Variants in ROBO2 observed in about 807,000 individuals in gnomAD.
ROBO2 encodes the protein roundabout guidance receptor 2.
Under a neutral mutation model 160.8 loss-of-function variants are expected in ROBO2, and 53 were observed. The observed-to-expected ratio is 0.33, with a 90% CI of 0.26 to 0.41. ROBO2 has a LOEUF of 0.41. Ranked by LOEUF, ROBO2 falls within the 10% of genes least tolerant of loss-of-function variation. The probability of loss-of-function intolerance (pLI) is 1.00; values close to 1 mark genes in which losing one functional copy is unlikely to be tolerated. For missense variants in ROBO2, 1,577 were observed against 1,722.4 expected (o/e 0.92, Z 1.49); for synonymous variants, 664 against 611.7 (o/e 1.09, Z -1.26).
intron 2 of ROBO2, among the ~76,000 whole-genome samples, chr3:76,611,613 A>G (rs976354378): frequency 3.3e-5 from 5 of 152,062 alleles, no homozygotes; most frequent in African/African-American, 1.2e-4. Context: ...ATCAGTTGTA[A>G]TGTTTCAGTT....
chr3:76,989,212 A>G (rs1172546819), intron 2 of ROBO2, among the ~76,000 whole-genome samples: 11 of 152,150 alleles, frequency 7.2e-5, no homozygotes, highest in African/African-American at 2.2e-4. Context: ...GGAAATATTT[A>G]TGGTGAATGT....
In ROBO2 at chr3:76,907,823, G is replaced by GGGGTGTGTGTGTGTGT. The variant is rs112697690; in HGVS notation, c.110-190190_110-190189insGGTGTGTGTGTGTGTG. On this transcript the variant is annotated intron_variant, in intron 2 of 26. Transcript: ENST00000487694. ...GCCTTTCTGCTGTTTGTTTGTTTGG[G>GGGGTGTGTGTGTGTGT]GTGTGTGTGTGTGTGTGTGTGTGTG... Among the ~76,000 whole-genome samples the GGGGTGTGTGTGTGTGT allele has an allele frequency of 2.7e-3, 395 of 145,516 alleles. 1 individual carries two copies. The highest frequency in any genetic ancestry group is 6.4e-3 in the African/African-American group (249 of 38,876).
chr3:76,424,669 A>C (rs767856865), intron 2 of ROBO2, among the ~76,000 whole-genome samples: 5 of 152,192 alleles, frequency 3.3e-5, no homozygotes. Context: ...TTACCAGAAA[A>C]GTTAAAAAAG....
At chr3:76,471,600 T>C (rs1329136690) in intron 2 of ROBO2, among the ~76,000 whole-genome samples, 1 of 152,176 alleles carries the variant, frequency 6.6e-6, no homozygotes, top group Non-Finnish European at 1.5e-5. Flanking sequence ...TCAAAAATTC[T>C]TAAAGGAAAT....
intron 23 of ROBO2, among the ~76,000 whole-genome samples, chr3:77,625,365 A>G (rs1343312411): frequency 1.3e-5 from 2 of 151,764 alleles, no homozygotes; most frequent in African/African-American, 4.8e-5. Flanking sequence ...ACGAAGTGCA[A>G]GCCATCTTTC....
intron 2 of ROBO2, among the ~76,000 whole-genome samples, chr3:77,319,731 A>C (rs1017862613): frequency 4.6e-5 from 7 of 152,212 alleles, no homozygotes; most frequent in African/African-American, 1.7e-4. Context: ...CACTCTGGCT[A>C]TGTCATAATG....
At chr3:77,045,982 T>G (rs1402456654) in intron 1 of ROBO2, among the ~76,000 whole-genome samples, 1 of 152,266 alleles carries the variant, frequency 6.6e-6, no homozygotes, top group East Asian at 1.9e-4. Context: ...ACAATATTCC[T>G]TATCATCTAT....
intron 2 of ROBO2, among the ~76,000 whole-genome samples, chr3:76,779,338 G>A (rs1173620244): frequency 6.6e-6 from 1 of 150,824 alleles, no homozygotes; most frequent in Non-Finnish European, 1.5e-5. Flanking sequence ...TATTATTACT[G>A]AAATTTATGT....
At chr3:77,135,606 G>T (rs1039164181) in intron 2 of ROBO2, among the ~76,000 whole-genome samples, 1 of 150,940 alleles carries the variant, frequency 6.6e-6, no homozygotes, top group African/African-American at 2.4e-5. Context: ...AAGGGGTTTC[G>T]CTATGTTGCC....
chr3:77,590,627 T>C (rs2094157550), intron 17 of ROBO2, among the ~76,000 whole-genome samples: 1 of 152,162 alleles, frequency 6.6e-6, no homozygotes, highest in Admixed American at 6.6e-5. Flanking sequence ...TAATAAAAAA[T>C]TGACTGTGCT....
intron 2 of ROBO2, among the ~76,000 whole-genome samples, chr3:76,094,338 C>G (rs1398462860): frequency 6.6e-6 from 1 of 152,178 alleles, no homozygotes; most frequent in Non-Finnish European, 1.5e-5. Context: ...GCAGGCAGCC[C>G]TCACTAATTT....
chr3:76,035,262 G>C (rs1298557102), intron 2 of ROBO2, among the ~76,000 whole-genome samples: 1 of 150,994 alleles, frequency 6.6e-6, no homozygotes, highest in Non-Finnish European at 1.5e-5. Context: ...AAGAAATAAG[G>C]CTTGCTGAAT....
intron 2 of ROBO2, among the ~76,000 whole-genome samples, chr3:76,236,080 G>T (rs1704926810): frequency 6.6e-6 from 1 of 151,962 alleles, no homozygotes; most frequent in Admixed American, 6.6e-5. Flanking sequence ...GATAATTCAG[G>T]TCCTCAGTTA....
intron 2 of ROBO2, among the ~76,000 whole-genome samples, chr3:77,473,440 CTTTTTTTTTTTTT>C (rs71104688): frequency 2.2e-4 from 17 of 77,930 alleles, no homozygotes; most frequent in South Asian, 5.4e-4. Flanking sequence ...ACAAACTGCT[CTTTTTTTTTTTTT>C]TTTTTTTTTT....
intron 1 of ROBO2, among the ~76,000 whole-genome samples, chr3:77,080,915 G>A (rs2068585700): frequency 6.6e-6 from 1 of 152,102 alleles, no homozygotes; most frequent in African/African-American, 2.4e-5. Context: ...TTTACATTAT[G>A]GTTTTTATAA....
At chr3:76,359,849 G>A (rs1350389648) in intron 2 of ROBO2, among the ~76,000 whole-genome samples, 2 of 151,940 alleles carry the variant, frequency 1.3e-5, no homozygotes, top group Non-Finnish European at 2.9e-5. Flanking sequence ...CAGGAAGCCA[G>A]TATATTATAG....
At chr3:76,100,020 A>G (rs1401136087) in intron 2 of ROBO2, among the ~76,000 whole-genome samples, 5 of 152,218 alleles carry the variant, frequency 3.3e-5, no homozygotes, top group Non-Finnish European at 1.5e-5. Flanking sequence ...ATCTGCAAAC[A>G]GCATTGGGCT....
intron 2 of ROBO2, among the ~76,000 whole-genome samples, chr3:76,689,001 G>A (rs374179126): frequency 6.6e-6 from 1 of 151,924 alleles, no homozygotes; most frequent in East Asian, 1.9e-4. Flanking sequence ...ATATTGCAAT[G>A]ATGTATTTCT....
At chr3:76,275,715 G>A (rs1391198459) in intron 2 of ROBO2, among the ~76,000 whole-genome samples, 1 of 151,946 alleles carries the variant, frequency 6.6e-6, no homozygotes, top group Non-Finnish European at 1.5e-5. Context: ...CTACTTTCTG[G>A]GCATTCTGCA....
Sources: allele counts gnomAD v4.1 joint callset (sites outside exome capture counted in the v4.1 genomes callset), GRCh38; gene constraint gnomAD v4.1.1; transcripts MANE v1.5; gene names NCBI Gene and HGNC (gene_info 2026-07-23, HGNC 2026-07-21).